Variants in TARBP1 observed in about 807,000 individuals in gnomAD.
TARBP1 encodes the protein tRNA guanosine 2 -O-methyltransferase TARBP1, also known as tRNA (guanosine(18)-2'-O)-methyltransferase TARBP1.
In TARBP1, 144 loss-of-function variants were observed where a neutral mutation model predicts 178.6. The ratio of observed to expected loss-of-function variants is 0.81; its 90% confidence interval spans 0.70 to 0.93. The LOEUF is 0.93. Ranked by LOEUF, TARBP1 falls within the 40% of genes least tolerant of loss-of-function variation. The pLI is 0.00. For synonymous variants in TARBP1, 787 were observed against 781.0 expected, an observed-to-expected ratio of 1.01 and a Z score of -0.13; for missense variants, 2,067 against 2,011.7, an observed-to-expected ratio of 1.03 and a Z score of -0.53.
chr1:234,393,476 C>T lies in TARBP1; in HGVS notation c.4446G>A (p.Arg1482=), dbSNP rs971182827. 1.3e-6 allele frequency: 2 copies of T among 1,580,414 alleles called. No individual in the cohort carries two copies. The highest frequency in any genetic ancestry group is 8.6e-7 in the Non-Finnish European group (1 of 1,163,682). The change falls in exon 28 of 30, where the codon AGG becomes AGA. Residue 1482 remains arginine, a synonymous_variant. Transcript: ENST00000040877. ...DKPTNLGGLC[R]TCEVFGASVL... is the part of the protein sequence containing the mutation. Reference sequence around the variant, plus strand: ...CTGAAGCCCCAAATACCTCACAGGTCCTGCACAGTCCTGCACAGAACACCT... The same window carrying T: ...CTGAAGCCCCAAATACCTCACAGGTTCTGCACAGTCCTGCACAGAACACCT...
intron 12 of TARBP1, among the ~76,000 whole-genome samples, chr1:234,440,732 A>G (rs1259338581): frequency 6.6e-6 from 1 of 152,218 alleles, no homozygotes; most frequent in Non-Finnish European, 1.5e-5. Flanking sequence ...TCATATTTCT[A>G]TATACTAGTA....
chr1:234,449,292 T>A (rs1666499886), intron 10 of TARBP1, among the ~76,000 whole-genome samples: 1 of 152,070 alleles, frequency 6.6e-6, no homozygotes, highest in African/African-American at 2.4e-5. Flanking sequence ...TACAAAGAAG[T>A]GGAGGAAAAA....
Position 234,478,875 on chromosome 1 carries a change from G to T in TARBP1, c.229C>A (p.Arg77Ser), listed in dbSNP as rs1458088276. 449 of 1,299,018 alleles carry T rather than the reference G, an allele frequency of 3.5e-4. 1 individual carries two copies. The highest frequency in any genetic ancestry group is 4.2e-4 in the Non-Finnish European group (437 of 1,029,150). The allele number at this position is 1,299,018 out of a possible 1,614,324, so 80.5% of individuals were successfully genotyped here. The change falls in exon 1 of 30, where the codon CGC becomes AGC. Residue 77 changes from arginine to serine, a missense_variant. Physicochemically the swap from Arg to Ser is moderately radical, Grantham distance 110 (BLOSUM62 -1). Coordinates refer to ENST00000040877, the MANE Select transcript of TARBP1 (RefSeq NM_005646.4). The part of the protein sequence containing the change: ...GYLVPLLRSL[R>S]GRPAGGPDPS... ...TCCGGGCCGCCCGCGGGGCGTCCGC[G>T]CAGGCTCCGCAGCAGTGGCACGAGG... is the stretch of plus-strand genomic sequence containing the variant.
At chr1:234,402,868 G>A (rs1660840208) in intron 24 of TARBP1, among the ~76,000 whole-genome samples, 2 of 152,102 alleles carry the variant, frequency 1.3e-5, no homozygotes, top group Non-Finnish European at 1.5e-5. Flanking sequence ...TTACAGGCGA[G>A]AGCCACTGCA....
rs756310898 is a variant in TARBP1 at position 234,459,238 on chromosome 1, G to C, written c.1624C>G (p.Leu542Val). The C allele has an allele frequency of 1.2e-6, 2 of 1,608,860 alleles. No homozygotes were observed. The highest frequency in any genetic ancestry group is 2.2e-5 in the South Asian group (2 of 89,854). Residue 542 changes from leucine to valine, a missense_variant, in exon 8 of 30, where the codon CTA (leucine) becomes GTA (valine). By Grantham distance (32) the Leu-to-Val change is conservative. Coordinates refer to ENST00000040877, the MANE Select transcript of TARBP1 (RefSeq NM_005646.4). ...ACAAAAGAAAAACTTACCACATCTA[G>C]CAAATTCATAGCTGTTTGAAGAAGG... ...CYLLQTAMNL[L>V]DVEKVSLSDV...
intron 11 of TARBP1, 137 bp downstream of exon 11, chr1:234,448,343 T>C: frequency 1.5e-6 from 1 of 657,254 alleles, no homozygotes. Context: ...ATTTCTTCAG[T>C]ATACTGTTAA....
intron 8 of TARBP1, among the ~76,000 whole-genome samples, chr1:234,458,199 C>T (rs760650048): frequency 3.3e-5 from 5 of 152,060 alleles, no homozygotes; most frequent in African/African-American, 4.8e-5. Flanking sequence ...CAAAAATTAG[C>T]CAGTTGTGGT....
chr1:234,412,192 G>C (rs1440035691), intron 22 of TARBP1, among the ~76,000 whole-genome samples: 1 of 152,190 alleles, frequency 6.6e-6, no homozygotes, highest in East Asian at 1.9e-4. Flanking sequence ...GGGAGGCCGA[G>C]GCAGGTGGAT....
rs767127624 is a variant in TARBP1 at position 234,393,763 on chromosome 1, G to A, written c.4318C>T (p.Arg1440Cys). 10 of 1,613,838 alleles carry A rather than the reference G, an allele frequency of 6.2e-6. No individual in the cohort carries two copies. Among genetic ancestry groups the A allele is most frequent in the South Asian group, 1.1e-5 (1 of 91,084 alleles). Reference protein sequence around the residue: ...VQKKIIPWNSRVSDLDLELLF... With the variant: ...VQKKIIPWNSCVSDLDLELLF... ...AGCTCCAGGTCTAAGTCGGAAACAC[G>A]ACTGTTCCACGGGATAATCTTCTTC... Residue 1440 changes from arginine (R) to cysteine (C), a missense_variant, in exon 27 of 30, where the codon CGT (arginine) becomes TGT (cysteine). Coordinates refer to ENST00000040877, the MANE Select transcript of TARBP1 (RefSeq NM_005646.4).
chr1:234,445,089 G>A lies in TARBP1; in HGVS notation c.2134+1714C>T, dbSNP rs139763016. On this transcript the variant is annotated intron_variant, in intron 12 of 29. Coordinates refer to ENST00000040877, the MANE Select transcript of TARBP1 (RefSeq NM_005646.4). ...CCAAATTGCTTCCGTTGAGGTCGCC[G>A]CTGATTTCCATGTTGCTAAATTGGA... 1.8e-3 allele frequency among the ~76,000 whole-genome samples: 268 copies of A among 152,154 alleles called. 2 individuals are homozygous for A. Among genetic ancestry groups the A allele is most frequent in the Non-Finnish European group, 4.1e-4 (28 of 68,002 alleles).
At chr1:234,460,775 A>C (rs937332603) in intron 6 of TARBP1, among the ~76,000 whole-genome samples, 4 of 152,234 alleles carry the variant, frequency 2.6e-5, no homozygotes, top group African/African-American at 4.8e-5. Flanking sequence ...AAATAGTCAA[A>C]AGTGAAAACA....
intron 6 of TARBP1, among the ~76,000 whole-genome samples, chr1:234,462,311 G>A (rs1163861912): frequency 1.3e-5 from 2 of 152,224 alleles, no homozygotes; most frequent in Non-Finnish European, 2.9e-5. Context: ...CTACTGACAT[G>A]TAAGGCAGCA....
intron 9 of TARBP1, 82 bp from the exon 10 acceptor site, chr1:234,450,648 T>G: frequency 6.9e-7 from 1 of 1,454,870 alleles, no homozygotes; most frequent in Non-Finnish European, 9.2e-7. Flanking sequence ...CACGTTTCTT[T>G]CTTTCACGAT....
chr1:234,466,483 G>C (rs767338168), intron 4 of TARBP1, among the ~76,000 whole-genome samples: 32 of 152,122 alleles, frequency 2.1e-4, no homozygotes, highest in Non-Finnish European at 4.1e-4. Context: ...CTGCACTCCA[G>C]CCTCGGCAAC....
Position 234,472,713 on chromosome 1 carries a change from C to G in TARBP1, c.1029+1G>C, listed in dbSNP as rs755168089. 6.4e-7 allele frequency: 1 copy of G among 1,567,738 alleles called. No individual in the cohort carries two copies. The highest frequency in any genetic ancestry group is 2.0e-5 in the Admixed American group (1 of 49,458). On this transcript the variant is annotated splice_donor_variant, in intron 2 of 29. Coordinates refer to ENST00000040877, the MANE Select transcript of TARBP1 (RefSeq NM_005646.4). LOFTEE classifies it high-confidence loss of function. ...ATTTGCTAAAATAGAAAAACACTTACCTGATTTCCTTCTAAAGTCTCCATA... is the reference window on the plus strand; with the variant it reads ...ATTTGCTAAAATAGAAAAACACTTAGCTGATTTCCTTCTAAAGTCTCCATA...
At chr1:234,462,550 G>A (rs1162874803) in intron 6 of TARBP1, among the ~76,000 whole-genome samples, 8 of 152,052 alleles carry the variant, frequency 5.3e-5, no homozygotes, top group Non-Finnish European at 8.8e-5. Flanking sequence ...TTAGCTGGGC[G>A]TGGTGGCGCA....
intron 1 of TARBP1, 63 bp from the exon 2 acceptor site, chr1:234,472,874 A>G (rs1669208741): frequency 8.1e-7 from 1 of 1,228,408 alleles, no homozygotes; most frequent in Non-Finnish European, 1.2e-6. Flanking sequence ...TTTCTCAATG[A>G]CAGCAGTTCT....
intron 12 of TARBP1, among the ~76,000 whole-genome samples, chr1:234,445,855 G>A (rs1413313776): frequency 2.0e-5 from 3 of 151,958 alleles, no homozygotes; most frequent in African/African-American, 7.3e-5. Context: ...ACATTCTTTT[G>A]TTTGTATCCA....
intron 1 of TARBP1, among the ~76,000 whole-genome samples, chr1:234,475,432 A>C (rs1437825245): frequency 6.6e-6 from 1 of 152,228 alleles, no homozygotes; most frequent in African/African-American, 2.4e-5. Context: ...TATTCTGTGG[A>C]AGGGGAAGCA....
Sources: allele counts gnomAD v4.1 joint callset (sites outside exome capture counted in the v4.1 genomes callset), GRCh38; gene constraint gnomAD v4.1.1; transcripts MANE v1.5; gene names NCBI Gene and HGNC (gene_info 2026-07-23, HGNC 2026-07-21).